Variants in UHMK1 observed in about 807,000 individuals in gnomAD.
UHMK1 encodes the protein serine/threonine-protein kinase Kist.
In UHMK1, 18 loss-of-function variants were observed where a neutral mutation model predicts 44.0. The ratio of observed to expected loss-of-function variants is 0.41; its 90% confidence interval spans 0.28 to 0.61. UHMK1 has a LOEUF of 0.61. Among genes scored for constraint, UHMK1 ranks in the 20% least tolerant of loss-of-function variants. UHMK1 has a pLI of 0.31. For missense variants in UHMK1, 463 were observed against 522.5 expected (o/e 0.89, Z 1.11); for synonymous variants, 231 against 198.5 (o/e 1.16, Z -1.38).
At chr1:162,506,716 G>T (rs12071141) in intron 4 of UHMK1, among the ~76,000 whole-genome samples, 69,743 of 151,864 alleles carry the variant, frequency 0.46, 16,034 homozygotes, top group East Asian at 0.47. Flanking sequence ...TACAAAAAAA[G>T]TAGCCGGGCC....
At chr1:162,514,400 G>A (rs1651767651) in intron 6 of UHMK1, among the ~76,000 whole-genome samples, 1 of 152,114 alleles carries the variant, frequency 6.6e-6, no homozygotes, top group Non-Finnish European at 1.5e-5. Context: ...CTATAAAATG[G>A]AGATAATAAA....
chr1:162,500,170 C>G lies in UHMK1; in HGVS notation c.484C>G (p.Arg162Gly). The G allele has an allele frequency of 1.2e-6, 2 of 1,614,162 alleles. No individual in the cohort carries two copies. The highest frequency in any genetic ancestry group is 2.2e-5 in the South Asian group (2 of 91,082). Reference sequence around the variant, plus strand: ...CTATGTCCATGCGGACCTCAAACCACGTAACATATTGTGGAGTGCAGAGAA... The same window carrying G: ...CTATGTCCATGCGGACCTCAAACCAGGTAACATATTGTGGAGTGCAGAGAA... ...EGYVHADLKP[R>G]NILWSAENEC... is the part of the protein sequence containing the mutation. The change falls in exon 2 of 8, where the codon CGT becomes GGT. Residue 162 changes from arginine (R) to glycine (G), a missense_variant. By Grantham distance (125) the Arg-to-Gly change is moderately radical. This residue lies in a region of UHMK1 where 264 missense variants were observed against 326.3 expected (regional missense o/e 0.81). Transcript: ENST00000489294.
intron 6 of UHMK1, among the ~76,000 whole-genome samples, chr1:162,515,097 A>T (rs969926488): frequency 3.2e-4 from 48 of 152,318 alleles, no homozygotes; most frequent in African/African-American, 1.1e-3. Flanking sequence ...TCTTCTGCCC[A>T]TAAATTATAT....
intron 4 of UHMK1, 63 bp from the exon 5 acceptor site, chr1:162,512,437 T>C: frequency 3.7e-6 from 5 of 1,348,914 alleles, no homozygotes; most frequent in Non-Finnish European, 5.2e-6. Context: ...TCTTACTTTC[T>C]TTAATGGTTG....
intron 3 of UHMK1, among the ~76,000 whole-genome samples, chr1:162,502,195 A>C (rs1251731510): frequency 6.6e-6 from 1 of 152,152 alleles, no homozygotes; most frequent in Non-Finnish European, 1.5e-5. Context: ...AATGCATAAA[A>C]AGTTCATTCA....
rs1652098724 is a variant in UHMK1 at position 162,522,580 on chromosome 1, T to A, written c.*30T>A. 1 of 1,601,900 alleles carries A rather than the reference T, an allele frequency of 6.2e-7. No homozygotes were observed. Among genetic ancestry groups the A allele is most frequent in the African/African-American group, 1.3e-5 (1 of 74,392 alleles). ...TAACCTAAGGACTGTTTCCTTTTTCTCCTCTTCCATTTCTTGGGTTATTCC... is the reference window on the plus strand; with the variant it reads ...TAACCTAAGGACTGTTTCCTTTTTCACCTCTTCCATTTCTTGGGTTATTCC... On this transcript the variant is annotated 3_prime_UTR_variant, in exon 8 of 8. Coordinates refer to ENST00000489294, the MANE Select transcript of UHMK1 (RefSeq NM_175866.5).
chr1:162,516,634 C>T (rs980955210), intron 6 of UHMK1, among the ~76,000 whole-genome samples: 9 of 151,694 alleles, frequency 5.9e-5, no homozygotes, highest in African/African-American at 1.9e-4. Context: ...AAAAATCACC[C>T]TAAGAAAGAT....
Position 162,522,769 on chromosome 1 carries a change from A to C in UHMK1, c.*219A>C. 2.3e-6 allele frequency: 1 copy of C among 426,608 alleles called. No individual in the cohort carries two copies. The highest frequency in any genetic ancestry group is 4.1e-6 in the Non-Finnish European group (1 of 246,044). The allele number at this position is 426,608 out of a possible 1,614,324, so 26.4% of individuals were successfully genotyped here. A position where few individuals can be genotyped will look rare whatever the true frequency, so the allele number is the denominator to read the frequency against. On this transcript the variant is annotated 3_prime_UTR_variant, in exon 8 of 8. Transcript: ENST00000489294. ...GCTATACATTGAGGGGTTTTAGAGC[A>C]TCCATGTGGGCAACCCTTTTTTGTG...
At position 162,512,760 on chromosome 1, in the gene UHMK1, C is replaced by T; in HGVS notation, c.961C>T (p.Pro321Ser). 6.2e-7 allele frequency: 1 copy of T among 1,614,084 alleles called. No homozygotes were observed. The highest frequency in any genetic ancestry group is 1.3e-5 in the African/African-American group (1 of 75,028). Reference protein sequence around the residue: ...HIEDLVMLPTPVLRLLNVLDD... With the variant: ...HIEDLVMLPTSVLRLLNVLDD... ...TGAAGATCTGGTCATGCTTCCCACTCCAGTGCTAAGACTGCTGAATGTGCT... is the reference window on the plus strand; with the variant it reads ...TGAAGATCTGGTCATGCTTCCCACTTCAGTGCTAAGACTGCTGAATGTGCT... Residue 321 changes from proline (P) to serine (S), a missense_variant, in exon 6 of 8, where the codon CCA becomes TCA. By Grantham distance (74) the Pro-to-Ser change is moderately conservative. Transcript: ENST00000489294.
chr1:162,500,268 T>A, intron 2 of UHMK1, 21 bp downstream of exon 2: 7 of 1,596,696 alleles, frequency 4.4e-6, no homozygotes, highest in Non-Finnish European at 6.0e-6. Flanking sequence ...ACCTTTTCTT[T>A]TCTCTCGCAG....
upstream of UHMK1, chr1:162,497,267 C>G (rs1281714222): frequency 1.4e-6 from 1 of 702,458 alleles, no homozygotes; most frequent in African/African-American, 1.7e-5. Flanking sequence ...CTTACCAGAC[C>G]GAAGGTCTGT....
At chr1:162,499,347 G>A (rs1001761717) in intron 1 of UHMK1, among the ~76,000 whole-genome samples, 9 of 151,970 alleles carry the variant, frequency 5.9e-5, no homozygotes, top group African/African-American at 1.9e-4. Flanking sequence ...CTAATTTTTT[G>A]TAGAGAAGAG....
At chr1:162,512,635 G>T (rs1571013373) in intron 5 of UHMK1, 59 bp downstream of exon 5, 2 of 1,600,684 alleles carry the variant, frequency 1.2e-6, no homozygotes, top group African/African-American at 2.7e-5. Flanking sequence ...CAAGACATCA[G>T]CACTAATTTA....
At chr1:162,503,905 G>A (rs548690541) in intron 4 of UHMK1, 57 bp downstream of exon 4, 97 of 1,333,632 alleles carry the variant, frequency 7.3e-5, no homozygotes, top group Middle Eastern at 1.8e-4. Flanking sequence ...GAAATGGTAC[G>A]TCTTTTTTTT....
In UHMK1 at chr1:162,523,217, TGCGA is replaced by T. The variant is rs1358653713; in HGVS notation, c.*669_*672del. On this transcript the variant is annotated 3_prime_UTR_variant, in exon 8 of 8. Transcript: ENST00000489294. ...TCTAGTATGTATGCTTGAGTGAATG[TGCGA>T]GTATGAATGATTAGAGAAAATTTGA... 2 of 152,684 alleles carry T rather than the reference TGCGA, an allele frequency of 1.3e-5. No individual in the cohort carries two copies. Among genetic ancestry groups the T allele is most frequent in the Non-Finnish European group, 2.9e-5 (2 of 68,072 alleles). 9.5% of individuals were successfully genotyped at this position (152,684 alleles called of 1,614,324 possible). A position where few individuals can be genotyped will look rare whatever the true frequency, so the allele number is the denominator to read the frequency against.
At chr1:162,522,373 A>G in intron 7 of UHMK1, 31 bp from the exon 8 acceptor site, 1 of 1,611,948 alleles carries the variant, frequency 6.2e-7, no homozygotes, top group Non-Finnish European at 8.5e-7. Flanking sequence ...CTTGGTGGAA[A>G]TGAAATGTTT....
chr1:162,499,978 A>G lies in UHMK1; in HGVS notation c.292A>G (p.Ile98Val). Residue 98 changes from isoleucine (I) to valine (V), a missense_variant, in exon 2 of 8, where the codon ATC becomes GTC. Coordinates refer to ENST00000489294, the MANE Select transcript of UHMK1 (RefSeq NM_175866.5). ...AGTGACTTTGTATGGAGTGTTTACA[A>G]TCCACTTTTCTCCAAATGTGCCATC... ...NIVTLYGVFTIHFSPNVPSRC... is the reference protein window; with the variant it reads ...NIVTLYGVFTVHFSPNVPSRC... The G allele has an allele frequency of 6.2e-7, 1 of 1,614,174 alleles. No homozygotes were observed.
At chr1:162,519,303 G>A (rs868846671) in intron 7 of UHMK1, among the ~76,000 whole-genome samples, 1 of 120,448 alleles carries the variant, frequency 8.3e-6, no homozygotes, top group South Asian at 3.1e-4. Flanking sequence ...GTGACAGAGC[G>A]AGACTCCATC....
intron 7 of UHMK1, among the ~76,000 whole-genome samples, chr1:162,521,249 A>C (rs1479910527): frequency 6.6e-6 from 1 of 152,180 alleles, no homozygotes; most frequent in Non-Finnish European, 1.5e-5. Context: ...TAATTTCATA[A>C]TTTATAAAAA....
Sources: gnomAD v4.1 joint callset for allele counts (sites outside exome capture counted in the v4.1 genomes callset) on GRCh38, gnomAD v4.1.1 for gene constraint, gnomAD v4.1.1 regional missense constraint, MANE v1.5 for transcripts, NCBI Gene and HGNC (gene_info 2026-07-23, HGNC 2026-07-21) for gene names.